Variants in LAMA1 observed in about 807,000 individuals in gnomAD.
LAMA1 encodes the protein laminin subunit alpha-1.
Under a neutral mutation model 348.7 loss-of-function variants are expected in LAMA1, and 219 were observed. That is an observed-to-expected ratio of 0.63 (90% CI 0.56 to 0.70). LAMA1 has a LOEUF of 0.70. LAMA1 is among the 30% of genes least tolerant of loss of function. The pLI is 0.00. For missense variants in LAMA1, 3,744 were observed against 3,888.0 expected (o/e 0.96, Z 0.99); for synonymous variants, 1,487 against 1,491.0 (o/e 1.00, Z 0.06).
intron 60 of LAMA1, 103 bp downstream of exon 60, chr18:6,948,300 T>G: frequency 6.7e-7 from 1 of 1,482,912 alleles, no homozygotes. Context: ...GTGGTTTTCC[T>G]GCAGCCTTGT....
At chr18:6,988,732 G>A (rs1480820964) in intron 36 of LAMA1, among the ~76,000 whole-genome samples, 1 of 150,934 alleles carries the variant, frequency 6.6e-6, no homozygotes. Flanking sequence ...GCTTGAACCC[G>A]GGAGGCGGAA....
intron 57 of LAMA1, chr18:6,955,040 G>C (rs35893729): frequency 2.5e-6 from 1 of 400,100 alleles, no homozygotes; most frequent in African/African-American, 2.1e-5. Flanking sequence ...GAATGGGGTT[G>C]AAAGTCCAGA....
At chr18:6,965,193 A>G in intron 50 of LAMA1, 95 bp downstream of exon 50, 1 of 1,479,168 alleles carries the variant, frequency 6.8e-7, no homozygotes, top group Non-Finnish European at 9.4e-7. Flanking sequence ...TTCAATACCC[A>G]GGAAACTACT....
At chr18:7,103,417 TA>T (rs1330056861) in intron 1 of LAMA1, among the ~76,000 whole-genome samples, 1 of 149,514 alleles carries the variant, frequency 6.7e-6, no homozygotes, top group Non-Finnish European at 1.5e-5. Context: ...AAATAAAAAA[TA>T]AAAAAAATAA....
At chr18:7,107,449 G>A (rs2058316922) in intron 1 of LAMA1, among the ~76,000 whole-genome samples, 1 of 152,068 alleles carries the variant, frequency 6.6e-6, no homozygotes, top group Non-Finnish European at 1.5e-5. Flanking sequence ...GCACTTTTCA[G>A]TTCCTTGGAC....
chr18:7,042,562 T>G (rs2058025219), intron 8 of LAMA1: 1 of 348,880 alleles, frequency 2.9e-6, no homozygotes. Context: ...AGGACTCATG[T>G]AAGAACTACA....
chr18:7,086,582 C>A (rs1245759766), intron 1 of LAMA1, among the ~76,000 whole-genome samples: 2 of 152,144 alleles, frequency 1.3e-5, no homozygotes, highest in African/African-American at 4.8e-5. Flanking sequence ...ACCTGTCTCT[C>A]CCCAGTTCTT....
rs772415842 is a variant in LAMA1 at position 6,986,120 on chromosome 18, G to C, written c.5379+17C>G. 6.2e-6 allele frequency: 10 copies of C among 1,613,510 alleles called. No individual in the cohort carries two copies. The highest frequency in any genetic ancestry group is 4.5e-5 in the East Asian group (2 of 44,898). The stretch of plus-strand genomic sequence containing the variant: ...TTACCTGTTCTAATTGAGAAGGAGA[G>C]AGCAAGTGAGACTCACACTGAATTC... On this transcript the variant is annotated intron_variant, in intron 37 of 62. Transcript: ENST00000389658.
intron 55 of LAMA1, chr18:6,957,155 C>A: frequency 3.2e-6 from 1 of 313,954 alleles, no homozygotes; most frequent in East Asian, 8.1e-5. Flanking sequence ...TGTTTACGTG[C>A]TTCCCCTTGC....
In LAMA1 at chr18:7,042,184, C is replaced by G; in HGVS notation, c.1222G>C (p.Val408Leu). The change falls in exon 9 of 63, where the codon GTC becomes CTC. Residue 408 changes from valine to leucine, a missense_variant. Coordinates refer to ENST00000389658, the MANE Select transcript of LAMA1 (RefSeq NM_005559.4). ...NCDPVGSLSSVCIKDDLHSDL... is the reference protein window; with the variant it reads ...NCDPVGSLSSLCIKDDLHSDL... ...GAATGGAGGTCATCCTTAATACAGACAGAACTGAGGGACCCCACAGGGTCA... is the reference window on the plus strand; with the variant it reads ...GAATGGAGGTCATCCTTAATACAGAGAGAACTGAGGGACCCCACAGGGTCA... 1 of 1,612,906 alleles carries G rather than the reference C, an allele frequency of 6.2e-7. No homozygotes were observed. Among genetic ancestry groups the G allele is most frequent in the East Asian group, 2.2e-5 (1 of 44,874 alleles).
chr18:7,101,410 C>T (rs1256421458), intron 1 of LAMA1, among the ~76,000 whole-genome samples: 1 of 152,142 alleles, frequency 6.6e-6, no homozygotes, highest in Non-Finnish European at 1.5e-5. Context: ...GGCGGCCAAT[C>T]ACCAAGAGAG....
chr18:6,941,995 A>T lies in LAMA1; in HGVS notation c.*84T>A. On this transcript the variant is annotated 3_prime_UTR_variant, in exon 63 of 63. Transcript: ENST00000389658. ...ACTTAACCTGAGTTGGAAATGAAAT[A>T]TGAACTGAAGAGATTCTTAATTCAC... The T allele has an allele frequency of 6.5e-7, 1 of 1,543,390 alleles. No individual in the cohort carries two copies.
At chr18:7,100,058 CA>C (rs3038921) in intron 1 of LAMA1, among the ~76,000 whole-genome samples, 74 of 79,666 alleles carry the variant, frequency 9.3e-4, no homozygotes, top group South Asian at 2.5e-3. Flanking sequence ...GACTTTGTCT[CA>C]AAAAAAAAAA....
At position 7,055,474 on chromosome 18, in the gene LAMA1, AAAAT is replaced by A. The variant is rs1269391437; in HGVS notation, c.346-4542_346-4539del. Among the ~76,000 whole-genome samples, 1,425 of 149,608 alleles carry A rather than the reference AAAAT, an allele frequency of 9.5e-3. 13 individuals carry two copies. Among genetic ancestry groups the A allele is most frequent in the African/African-American group, 0.034 (1,328 of 39,544 alleles). On this transcript the variant is annotated intron_variant, in intron 3 of 62. Transcript: ENST00000389658. ...GTCTCAAAAAAAAAAAAAAAAAAAA[AAAAT>A]TTACCCACGTACACACACATACACA...
intron 1 of LAMA1, among the ~76,000 whole-genome samples, chr18:7,096,193 A>G (rs1283070133): frequency 6.6e-6 from 1 of 152,248 alleles, no homozygotes; most frequent in African/African-American, 2.4e-5. Context: ...GTGGTTCTCC[A>G]ATCCGGAATA....
At chr18:6,964,171 CT>C (rs767776128) in intron 51 of LAMA1, 11 of 182,454 alleles carry the variant, frequency 6.0e-5, no homozygotes, top group Non-Finnish European at 1.2e-4. Context: ...ACTAATTTTT[CT>C]GCAGAAGGCC....
chr18:7,107,607 G>T (rs1030000251), intron 1 of LAMA1, among the ~76,000 whole-genome samples: 1 of 152,074 alleles, frequency 6.6e-6, no homozygotes, highest in South Asian at 2.1e-4. Context: ...TGTCTTCAGT[G>T]CATGGATGAA....
rs542146638 is a variant in LAMA1 at position 7,043,913 on chromosome 18, T to C, written c.977-508A>G. Reference sequence around the variant, plus strand: ...GCACACGCCTGTAATCCCAGCACTTTGGGAGGCCGAGGCGGGCGGATCACG... The same window carrying C: ...GCACACGCCTGTAATCCCAGCACTTCGGGAGGCCGAGGCGGGCGGATCACG... On this transcript the variant is annotated intron_variant, in intron 7 of 62. Coordinates refer to ENST00000389658, the MANE Select transcript of LAMA1 (RefSeq NM_005559.4). 2.0e-5 allele frequency among the ~76,000 whole-genome samples: 3 copies of C among 152,248 alleles called. No homozygotes were observed. The East Asian group carries it at 5.8e-4, about 29-fold the overall frequency.
At chr18:7,086,559 C>A (rs2058218229) in intron 1 of LAMA1, among the ~76,000 whole-genome samples, 1 of 150,682 alleles carries the variant, frequency 6.6e-6, no homozygotes, top group Non-Finnish European at 1.5e-5. Flanking sequence ...ATACAGAGAT[C>A]ATGAATTTAC....
Sources: allele counts gnomAD v4.1 joint callset (sites outside exome capture counted in the v4.1 genomes callset), GRCh38; gene constraint gnomAD v4.1.1; transcripts MANE v1.5; gene names NCBI Gene and HGNC (gene_info 2026-07-23, HGNC 2026-07-21).